The following LMNA variants were observed in gnomAD, a reference collection of about 807,000 sequenced individuals.
LMNA encodes the protein lamin.
Under a neutral mutation model 70.4 loss-of-function variants are expected in LMNA, and 20 were observed. The ratio of observed to expected loss-of-function variants is 0.28; its 90% CI spans 0.20 to 0.41. LMNA has a LOEUF of 0.41. Among genes scored for constraint, LMNA ranks in the 10% least tolerant of loss-of-function variants. LMNA has a pLI of 1.00. For synonymous variants in LMNA, 339 were observed against 372.8 expected (o/e 0.91, Z 1.04); for missense variants, 652 against 917.2 (o/e 0.71, Z 3.73).
rs966050612 is a variant in LMNA, at chr1:156,136,290, G to T, written c.1234G>T (p.Gly412Trp). ...CTCTCACTCATCCCAGACACAGGGTGGGGGCAGCGTCACCAAAAAGCGCAA... is the reference window on the plus strand; with the variant it reads ...CTCTCACTCATCCCAGACACAGGGTTGGGGCAGCGTCACCAAAAAGCGCAA... Reference protein sequence around the residue: ...ASSHSSQTQGGGSVTKKRKLE... With the variant: ...ASSHSSQTQGWGSVTKKRKLE... The change falls in exon 7 of 12, where the codon GGG (glycine) becomes TGG (tryptophan). Residue 412 changes from glycine to tryptophan, a missense_variant. Physicochemically the swap from Gly to Trp is radical, Grantham distance 184 (BLOSUM62 -2). Transcript: ENST00000368300. The surrounding 1 kb of genome is among the most constrained non-coding windows in gnomAD (Gnocchi z 6.1). The T allele has an allele frequency of 3.1e-6, 5 of 1,611,994 alleles. No individual in the cohort carries two copies. The highest frequency in any genetic ancestry group is 4.2e-6 in the Non-Finnish European group (5 of 1,180,030).
intron 3 of LMNA, among the ~76,000 whole-genome samples, chr1:156,097,558 C>T (rs1240090869): frequency 2.0e-5 from 3 of 152,252 alleles, no homozygotes; most frequent in Admixed American, 6.5e-5. Context: ...GCCTGGCCCA[C>T]GGTGCCATGG....
At chr1:156,109,416 C>G (rs1649456782), upstream of LMNA, 1 of 152,578 alleles carries the variant, frequency 6.6e-6, no homozygotes, top group Non-Finnish European at 1.5e-5. Context: ...CCCACTTCTC[C>G]CTTCCCGTCT....
intron 1 of LMNA, among the ~76,000 whole-genome samples, chr1:156,118,972 G>T (rs1283542993): frequency 2.0e-5 from 3 of 152,108 alleles, no homozygotes; most frequent in Non-Finnish European, 4.4e-5. Flanking sequence ...TTGAGACAGG[G>T]TCTTGTTCTG....
At chr1:156,124,733 TG>T (rs1244868540) in intron 1 of LMNA, among the ~76,000 whole-genome samples, 1 of 151,152 alleles carries the variant, frequency 6.6e-6, no homozygotes, top group South Asian at 2.1e-4. Flanking sequence ...TTTGCCGGGT[TG>T]GGGGGGAGGT....
intron 1 of LMNA, among the ~76,000 whole-genome samples, chr1:156,121,462 T>C (rs1404260028): frequency 4.3e-4 from 65 of 152,140 alleles, no homozygotes; most frequent in Non-Finnish European, 8.8e-5. Flanking sequence ...CCCTATTGCC[T>C]TCCCACTATT....
intron 1 of LMNA, among the ~76,000 whole-genome samples, chr1:156,124,355 C>T (rs1366209937): frequency 6.6e-6 from 1 of 152,076 alleles, no homozygotes; most frequent in Non-Finnish European, 1.5e-5. Flanking sequence ...GTGGCGCGAT[C>T]TTGGCTCACT....
intron 2 of LMNA, among the ~76,000 whole-genome samples, chr1:156,086,407 TC>T (rs1648476688): frequency 6.6e-6 from 1 of 152,040 alleles, no homozygotes; most frequent in Non-Finnish European, 1.5e-5. Context: ...TCTCTCTCTC[TC>T]TCTCTCTCTC....
intron 3 of LMNA, among the ~76,000 whole-genome samples, chr1:156,098,728 TGTTGTCA>T (rs1649034850): frequency 6.6e-6 from 1 of 151,986 alleles, no homozygotes; most frequent in African/African-American, 2.4e-5. Context: ...GTGACATGAA[TGTTGTCA>T]GTTGTCAGGG....
chr1:156,105,859 C>T (rs568245502), intron 3 of LMNA, among the ~76,000 whole-genome samples: 5 of 152,264 alleles, frequency 3.3e-5, no homozygotes, highest in Admixed American at 3.3e-4. Flanking sequence ...TGGCTCACGC[C>T]TGTAATCCCA....
Position 156,115,337 on chromosome 1 carries a change from C to A in LMNA, c.356+63C>A. 2 of 1,450,066 alleles carry A rather than the reference C, an allele frequency of 1.4e-6. No individual in the cohort carries two copies. Among genetic ancestry groups the A allele is most frequent in the South Asian group, 2.4e-5 (2 of 83,028 alleles). The allele number at this position is 1,450,066 out of a possible 1,614,324, so 89.8% of individuals were successfully genotyped here. A position where few individuals can be genotyped will look rare whatever the true frequency, so the allele number is the denominator to read the frequency against. ...TGGAGAGGGCGGCGGGCCGGCGCCC[C>A]TGGCCGGCCGCAGGAAGGGAGTGAG... is the stretch of plus-strand genomic sequence containing the variant. On this transcript the variant is annotated intron_variant, in intron 1 of 11. Transcript: ENST00000368300. The surrounding 1 kb of genome is among the most constrained non-coding windows in gnomAD (Gnocchi z 5.8).
chr1:156,134,598 G>T lies in LMNA; in HGVS notation c.639+70G>T, dbSNP rs964429206. On this transcript the variant is annotated intron_variant, in intron 3 of 11. Coordinates refer to ENST00000368300, the MANE Select transcript of LMNA (RefSeq NM_170707.4). This position sits in a 1 kb window ranked among gnomAD's most constrained non-coding sequence, Gnocchi z 5.3. ...GACAGACTTGGGCTGGGCTAGGGGG[G>T]ACCAGCTGTGTGCAGAGCTCGCCTT... 3 of 1,606,340 alleles carry T rather than the reference G, an allele frequency of 1.9e-6. No individual in the cohort carries two copies. Among genetic ancestry groups the T allele is most frequent in the East Asian group, 2.2e-5 (1 of 44,834 alleles).
At position 156,137,776 on chromosome 1, in the gene LMNA, C is replaced by T; in HGVS notation, c.1698+33C>T. ...GTAGCCGCCGCTGAGGCCGAGCCTG[C>T]ACTGGGGCCACCCAGCCAGGCCTGG... On this transcript the variant is annotated intron_variant, in intron 10 of 11. Coordinates refer to ENST00000368300, the MANE Select transcript of LMNA (RefSeq NM_170707.4). This position sits in a 1 kb window ranked among gnomAD's most constrained non-coding sequence, Gnocchi z 4.6. 1 of 1,548,482 alleles carries T rather than the reference C, an allele frequency of 6.5e-7. No homozygotes were observed. The highest frequency in any genetic ancestry group is 8.7e-7 in the Non-Finnish European group (1 of 1,146,956).
Position 156,114,969 on chromosome 1 carries a change from C to G in LMNA, c.51C>G (p.Ser17Arg), listed in dbSNP as rs11549668. The change falls in exon 1 of 12, where the codon AGC (serine) becomes AGG (arginine). Residue 17 changes from serine (S) to arginine (R), a missense_variant. Transcript: ENST00000368300. ...CCACCCGCAGCGGGGCGCAGGCCAG[C>G]TCCACTCCGCTGTCGCCCACCCGCA... ...RRATRSGAQA[S>R]STPLSPTRIT... is the part of the protein sequence containing the mutation. 6.3e-7 allele frequency: 1 copy of G among 1,589,618 alleles called. No individual in the cohort carries two copies. Among genetic ancestry groups the G allele is most frequent in the Non-Finnish European group, 8.6e-7 (1 of 1,168,590 alleles).
At chr1:156,088,533 G>A (rs183422679) in intron 2 of LMNA, among the ~76,000 whole-genome samples, 1 of 152,158 alleles carries the variant, frequency 6.6e-6, no homozygotes, top group Non-Finnish European at 1.5e-5. Flanking sequence ...GGTAGAGCAC[G>A]GTGGCTCCTG....
chr1:156,135,420 G>T lies in LMNA; in HGVS notation c.936+108G>T, dbSNP rs1651482774. 1.4e-6 allele frequency: 2 copies of T among 1,407,666 alleles called. No homozygotes were observed. The highest frequency in any genetic ancestry group is 9.8e-7 in the Non-Finnish European group (1 of 1,024,844). The allele number at this position is 1,407,666 out of a possible 1,614,324, so 87.2% of individuals were successfully genotyped here. On this transcript the variant is annotated intron_variant, in intron 5 of 11. Transcript: ENST00000368300. The surrounding 1 kb of genome is among the most constrained non-coding windows in gnomAD (Gnocchi z 4.8). ...GTGGGGGTGGGAGGTTCCTGAGGAG[G>T]AGAGGGATGAAAAGTGTCCCCACAA...
intron 1 of LMNA, among the ~76,000 whole-genome samples, chr1:156,117,250 T>C (rs1019684494): frequency 2.9e-4 from 44 of 150,882 alleles, no homozygotes; most frequent in Admixed American, 2.9e-3. Context: ...ATTTTGTTTT[T>C]TTGAGACGGA....
chr1:156,135,378 CA>C lies in LMNA; in HGVS notation c.936+67del. ...CTGGGCCGGATGCAGGCTGGAAGCCCAGGGTTGGGGGTGGGGGTGGGGGTGG... is the reference window on the plus strand; with the variant it reads ...CTGGGCCGGATGCAGGCTGGAAGCCCGGGTTGGGGGTGGGGGTGGGGGTGG... On this transcript the variant is annotated intron_variant, in intron 5 of 11. Coordinates refer to ENST00000368300, the MANE Select transcript of LMNA (RefSeq NM_170707.4). The surrounding 1 kb of genome is among the most constrained non-coding windows in gnomAD (Gnocchi z 4.8). 6.6e-7 allele frequency: 1 copy of C among 1,513,212 alleles called. No homozygotes were observed. The highest frequency in any genetic ancestry group is 1.2e-5 in the South Asian group (1 of 85,152). The allele number at this position is 1,513,212 out of a possible 1,614,324, so 93.7% of individuals were successfully genotyped here. A position where few individuals can be genotyped will look rare whatever the true frequency, so the allele number is the denominator to read the frequency against.
chr1:156,125,629 C>T (rs1274778288), intron 1 of LMNA, among the ~76,000 whole-genome samples: 1 of 152,006 alleles, frequency 6.6e-6, no homozygotes, highest in Non-Finnish European at 1.5e-5. Context: ...GTGGAGGTTG[C>T]AGGGAGCCGA....
intron 2 of LMNA, among the ~76,000 whole-genome samples, chr1:156,086,881 C>T (rs1353144350): frequency 2.6e-5 from 4 of 152,142 alleles, no homozygotes; most frequent in African/African-American, 4.8e-5. Context: ...TCAGGTGATC[C>T]GCCCCCACCT....
Sources: gnomAD v4.1 joint callset for allele counts (sites outside exome capture counted in the v4.1 genomes callset) on GRCh38, gnomAD v4.1.1 for gene constraint, Gnocchi (gnomAD v3.1) non-coding constraint, MANE v1.5 for transcripts, NCBI Gene and HGNC (gene_info 2026-07-23, HGNC 2026-07-21) for gene names.